Variants in DAB2IP observed in about 807,000 individuals in gnomAD.
DAB2IP encodes DAB2 interacting protein, also known as disabled homolog 2-interacting protein.
Under a neutral mutation model 107.2 loss-of-function variants are expected in DAB2IP, and 28 were observed. The observed-to-expected ratio is 0.26, with a 90% confidence interval of 0.19 to 0.36. DAB2IP has a LOEUF of 0.36. Among genes scored for constraint, DAB2IP ranks in the 10% least tolerant of loss-of-function variants. DAB2IP has a pLI of 1.00. For synonymous variants in DAB2IP, 755 were observed against 706.4 expected (o/e 1.07, Z -1.09); for missense variants, 1,400 against 1,644.7 (o/e 0.85, Z 2.57).
chr9:121,764,043 C>A (rs1209642733), intron 8 of DAB2IP, among the ~76,000 whole-genome samples, 164 bp downstream of exon 8: 1 of 152,214 alleles, frequency 6.6e-6, no homozygotes, highest in African/African-American at 2.4e-5. Context: ...CAGCGTTCAG[C>A]ATGTTGCTGT....
At chr9:121,641,995 TTCTCTCTCTCTCTCTCTCTC>T (rs71370683) in intron 1 of DAB2IP, among the ~76,000 whole-genome samples, 15 of 34,990 alleles carry the variant, frequency 4.3e-4, no homozygotes, top group South Asian at 1.2e-3. Flanking sequence ...TTTCTTTCCT[TTCTCTCTCTCTCTCTCTCTC>T]TCTCTCTCTC....
chr9:121,595,806 C>T lies in DAB2IP; in HGVS notation c.40+28578C>T, dbSNP rs73661787. On this transcript the variant is annotated intron_variant, in intron 1 of 16. Coordinates refer to the DAB2IP transcript ENST00000259371. Reference sequence around the variant, plus strand: ...CCTATGGAATATATGGTATTCTGTTCGGCATGTTTAAAGAATCTATATGAA... The same window carrying T: ...CCTATGGAATATATGGTATTCTGTTTGGCATGTTTAAAGAATCTATATGAA... Among the ~76,000 whole-genome samples the T allele has an allele frequency of 8.4e-3, 1,277 of 152,152 alleles. 21 individuals are homozygous for T. The highest frequency in any genetic ancestry group is 0.029 in the African/African-American group (1,195 of 41,486).
At chr9:121,683,667 T>A (rs577751148) in intron 2 of DAB2IP, among the ~76,000 whole-genome samples, 1 of 152,230 alleles carries the variant, frequency 6.6e-6, no homozygotes, top group African/African-American at 2.4e-5. Context: ...AGCAGGTCTT[T>A]GGTTTCTTTC....
chr9:121,629,492 G>T (rs1293670747), intron 1 of DAB2IP, among the ~76,000 whole-genome samples: 1 of 152,152 alleles, frequency 6.6e-6, no homozygotes, highest in Non-Finnish European at 1.5e-5. Context: ...GGGTATGGCG[G>T]GCTGGCCGGG....
At chr9:121,647,550 GCA>G (rs1326586403), upstream of DAB2IP, among the ~76,000 whole-genome samples, 1 of 151,998 alleles carries the variant, frequency 6.6e-6, no homozygotes. Flanking sequence ...TTCTTTTCCA[GCA>G]GGGATGCTGA....
intron 1 of DAB2IP, among the ~76,000 whole-genome samples, chr9:121,593,673 C>A (rs200100747): frequency 9.0e-6 from 1 of 110,946 alleles, no homozygotes; most frequent in Admixed American, 9.4e-5. Context: ...CTTTTTTTTT[C>A]TTTTTTTTTT....
chr9:121,583,526 T>C (rs1830249609), intron 1 of DAB2IP, among the ~76,000 whole-genome samples: 1 of 151,876 alleles, frequency 6.6e-6, no homozygotes, highest in East Asian at 1.9e-4. Flanking sequence ...ATCAGAGCAA[T>C]ACTATTTCTC....
chr9:121,773,095 C>G, exon 12 of DAB2IP: 1 of 1,612,558 alleles, frequency 6.2e-7, no homozygotes. Flanking sequence ...GGCCACAGCT[C>G]CCTGAGCTCA....
intron 1 of DAB2IP, among the ~76,000 whole-genome samples, chr9:121,677,882 G>A (rs1290811480): frequency 6.6e-6 from 1 of 152,082 alleles, no homozygotes; most frequent in Admixed American, 6.6e-5. Context: ...GGCTGGTTTC[G>A]AACTCCTGAC....
At chr9:121,604,211 A>G (rs893868381) in intron 1 of DAB2IP, among the ~76,000 whole-genome samples, 3 of 152,172 alleles carry the variant, frequency 2.0e-5, no homozygotes, top group African/African-American at 7.2e-5. Flanking sequence ...GGGACATGTA[A>G]GAGCCTTGTC....
chr9:121,607,147 G>A (rs1830910747), intron 1 of DAB2IP, among the ~76,000 whole-genome samples: 1 of 152,294 alleles, frequency 6.6e-6, no homozygotes, highest in East Asian at 1.9e-4. Flanking sequence ...TCTCTGTCCT[G>A]AAGTAGGAAG....
intron 3 of DAB2IP, among the ~76,000 whole-genome samples, chr9:121,734,437 G>T (rs1054971269): frequency 2.6e-5 from 4 of 151,854 alleles, no homozygotes; most frequent in African/African-American, 9.7e-5. Context: ...CGGTTATGCA[G>T]ACTTCTGAGC....
Position 121,599,705 on chromosome 9 carries a change from G to C in DAB2IP, c.40+32477G>C, listed in dbSNP as rs1391049019. Among the ~76,000 whole-genome samples, 1 of 152,018 alleles carries C rather than the reference G, an allele frequency of 6.6e-6. No homozygotes were observed. Among genetic ancestry groups the C allele is most frequent in the African/African-American group, 2.4e-5 (1 of 41,406 alleles). ...CCGCCGCTTCGCAACCCTGGCCCTG[G>C]GCCGCTCAGGCTCCGGAGCCTTTGG... On this transcript the variant is annotated intron_variant, in intron 1 of 16. Coordinates refer to the DAB2IP transcript ENST00000259371. This position sits in a 1 kb window ranked among gnomAD's most constrained non-coding sequence, Gnocchi z 6.9.
intron 3 of DAB2IP, among the ~76,000 whole-genome samples, chr9:121,700,908 C>A (rs1032632639): frequency 6.6e-6 from 1 of 152,184 alleles, no homozygotes; most frequent in Admixed American, 6.5e-5. Flanking sequence ...GCAGCCAGGC[C>A]AGAGCTCAGC....
chr9:121,781,536 G>A (rs774379475), exon 15 of DAB2IP: 9 of 1,613,856 alleles, frequency 5.6e-6, no homozygotes, highest in African/African-American at 1.3e-5. Context: ...CCAAACAGAA[G>A]ATCATTGATG....
At chr9:121,677,684 CAG>C (rs1477109409) in intron 1 of DAB2IP, among the ~76,000 whole-genome samples, 7 of 152,028 alleles carry the variant, frequency 4.6e-5, no homozygotes, top group Non-Finnish European at 1.0e-4. Context: ...TTTTTTGAGA[CAG>C]AGTCTCACTC....
At chr9:121,600,784 G>C (rs551036586) in intron 1 of DAB2IP, among the ~76,000 whole-genome samples, 2 of 152,174 alleles carry the variant, frequency 1.3e-5, no homozygotes, top group Admixed American at 6.5e-5. Context: ...TGTATCTGTG[G>C]GCAGGTTTCC....
rs538881766 is a variant in DAB2IP, at chr9:121,776,693, G to A, written c.3314+302G>A. ...TACCATCTTAGTAAGCACTCTCAGG[G>A]GCGCTGAGAAGCTGGATTGGGGGGT... On this transcript the variant is annotated intron_variant, in intron 14 of 15. Transcript: ENST00000408936. The surrounding 1 kb of genome is among the most constrained non-coding windows in gnomAD (Gnocchi z 5.4). Among the ~76,000 whole-genome samples the A allele has an allele frequency of 6.6e-6, 1 of 152,310 alleles. No individual in the cohort carries two copies. Among genetic ancestry groups the A allele is most frequent in the South Asian group, 2.1e-4 (1 of 4,824 alleles).
At chr9:121,663,044 C>A (rs780947035) in intron 1 of DAB2IP, among the ~76,000 whole-genome samples, 1 of 152,102 alleles carries the variant, frequency 6.6e-6, no homozygotes, top group East Asian at 1.9e-4. Context: ...GACTTTGGGC[C>A]GGTGAATTCA....
Sources: allele counts gnomAD v4.1 joint callset (sites outside exome capture counted in the v4.1 genomes callset), GRCh38; gene constraint gnomAD v4.1.1; non-coding constraint Gnocchi (gnomAD v3.1); transcripts MANE v1.5; gene names NCBI Gene and HGNC (gene_info 2026-07-23, HGNC 2026-07-21).